The following RGS14 variants were observed in gnomAD, a reference collection of about 807,000 sequenced individuals.
RGS14 encodes the protein regulator of G protein signaling 14.
A neutral mutation model predicts 63.8 loss-of-function variants in RGS14; 33 were observed. The ratio of observed to expected loss-of-function variants is 0.52; its 90% CI spans 0.39 to 0.69. The LOEUF (loss-of-function observed/expected upper bound fraction) is 0.69. Ranked by LOEUF, RGS14 falls within the 30% of genes least tolerant of loss-of-function variation. RGS14 has a pLI of 0.00. For synonymous variants in RGS14, 296 were observed against 320.9 expected, an observed-to-expected ratio of 0.92 and a Z score of 0.83; for missense variants, 739 against 742.9, an observed-to-expected ratio of 0.99 and a Z score of 0.06.
intron 5 of RGS14, 154 bp downstream of exon 5, chr5:177,367,188 A>G (rs776349864): frequency 8.4e-7 from 1 of 1,193,438 alleles, no homozygotes; most frequent in Non-Finnish European, 1.2e-6. Flanking sequence ...CGGAGCTCAG[A>G]GGGCGGTATC....
intron 2 of RGS14, 81 bp from the exon 3 acceptor site, chr5:177,366,096 T>C: frequency 6.3e-7 from 1 of 1,578,308 alleles, no homozygotes. Flanking sequence ...GGCTGCAGAG[T>C]GGATGCATGG....
intron 9 of RGS14, among the ~76,000 whole-genome samples, chr5:177,370,148 A>G (rs1302718500): frequency 2.6e-5 from 4 of 152,248 alleles, no homozygotes. Flanking sequence ...AAATGGGACC[A>G]GGCCAGGGTG....
At chr5:177,365,180 G>A (rs938717379) in intron 1 of RGS14, among the ~76,000 whole-genome samples, 1 of 152,058 alleles carries the variant, frequency 6.6e-6, no homozygotes, top group African/African-American at 2.4e-5. Flanking sequence ...TAGATGCTGT[G>A]GATATATTTT....
At chr5:177,367,949 C>T in intron 7 of RGS14, 124 bp downstream of exon 7, 1 of 1,437,412 alleles carries the variant, frequency 7.0e-7, no homozygotes, top group Non-Finnish European at 9.1e-7. Flanking sequence ...ACCCAGGTCC[C>T]AGTGACCACC....
chr5:177,370,107 C>T (rs1193633105), intron 9 of RGS14, among the ~76,000 whole-genome samples: 1 of 152,134 alleles, frequency 6.6e-6, no homozygotes, highest in Non-Finnish European at 1.5e-5. Context: ...TCCTTAGTAG[C>T]GGGGAATGGA....
Position 177,372,152 on chromosome 5 carries a change from G to C in RGS14, c.*77G>C, listed in dbSNP as rs1252933289. 7.2e-7 allele frequency: 1 copy of C among 1,397,110 alleles called. No homozygotes were observed. The highest frequency in any genetic ancestry group is 2.3e-5 in the East Asian group (1 of 43,470). The allele number at this position is 1,397,110 out of a possible 1,614,324, so 86.5% of individuals were successfully genotyped here. On this transcript the variant is annotated 3_prime_UTR_variant, in exon 15 of 15. Transcript: ENST00000408923. ...GCCATGGGTCCGCTCTGCATGCCCT[G>C]TCTGTGCCATGAGTGTCCCTGGCCC...
At chr5:177,362,515 G>C (rs1761989727) in intron 1 of RGS14, among the ~76,000 whole-genome samples, 1 of 152,234 alleles carries the variant, frequency 6.6e-6, no homozygotes, top group Non-Finnish European at 1.5e-5. Context: ...GGGCATTCAA[G>C]GGGCCTGGTG....
chr5:177,368,905 G>T lies in RGS14; in HGVS notation c.1038G>T (p.Leu346=), dbSNP rs138362437. The change falls in exon 9 of 15, where the codon CTG becomes CTT. Residue 346 remains leucine (L), a synonymous_variant. Transcript: ENST00000408923. ...CTCTACCTGACATCAAGGTCTACCT[G>T]GTGGGCAATGAACAGGTGGGAACGT... ...GLSLPDIKVY[L]VGNEQALVLD... is the part of the protein sequence containing the mutation. The T allele has an allele frequency of 1.2e-6, 2 of 1,613,984 alleles. No individual in the cohort carries two copies. The highest frequency in any genetic ancestry group is 1.7e-6 in the Non-Finnish European group (2 of 1,180,016).
chr5:177,365,415 C>G (rs1369866624), intron 1 of RGS14, among the ~76,000 whole-genome samples: 2 of 151,492 alleles, frequency 1.3e-5, no homozygotes, highest in Non-Finnish European at 1.5e-5. Flanking sequence ...GTTGGCCAGG[C>G]TGGTCTCGAA....
Position 177,371,179 on chromosome 5 carries a change from GC to G in RGS14, c.1271del (p.Pro424LeufsTer7). 2 of 1,613,142 alleles carry G rather than the reference GC, an allele frequency of 1.2e-6. No homozygotes were observed. The highest frequency in any genetic ancestry group is 1.7e-6 in the Non-Finnish European group (2 of 1,179,756). On this transcript the variant is annotated frameshift_variant, in exon 12 of 15. Transcript: ENST00000408923. LOFTEE classifies it high-confidence loss of function. The surrounding 1 kb of genome is among the most constrained non-coding windows in gnomAD (Gnocchi z 6.1). Reference sequence around the variant, plus strand: ...TCTCCCCACAGCCAGGCGAGAAACAGCCTCTGGATCTGGGGAAGCTAGTGAG... The same window carrying G: ...TCTCCCCACAGCCAGGCGAGAAACAGCTCTGGATCTGGGGAAGCTAGTGAG... ...VVLHRPGEKQ[P>X]LDLGKLVSSV...
chr5:177,372,210 C>G lies in RGS14; in HGVS notation c.*135C>G. On this transcript the variant is annotated 3_prime_UTR_variant, in exon 15 of 15. Coordinates refer to ENST00000408923, the MANE Select transcript of RGS14 (RefSeq NM_006480.5). ...CCATGGGCAGGCCCGCAGGAAGAGC[C>G]GGTAGGGGTGGAAAGGGGACTCAGA... The G allele has an allele frequency of 1.1e-6, 1 of 876,074 alleles. No homozygotes were observed. Among genetic ancestry groups the G allele is most frequent in the South Asian group, 1.6e-5 (1 of 61,220 alleles). The allele number at this position is 876,074 out of a possible 1,614,324, so 54.3% of individuals were successfully genotyped here. A position where few individuals can be genotyped will look rare whatever the true frequency, so the allele number is the denominator to read the frequency against.
At chr5:177,368,052 C>T in intron 7 of RGS14, 105 bp from the exon 8 acceptor site, 2 of 1,512,718 alleles carry the variant, frequency 1.3e-6, no homozygotes, top group South Asian at 2.6e-5. Flanking sequence ...ACACCTGGGC[C>T]CCTGCAGGAT....
rs775508379 is a variant in RGS14 at position 177,368,733 on chromosome 5, T to C, written c.866T>C (p.Leu289Pro). Residue 289 changes from leucine to proline, a missense_variant, in exon 9 of 15, where the codon CTT (leucine) becomes CCT (proline). Coordinates refer to ENST00000408923, the MANE Select transcript of RGS14 (RefSeq NM_006480.5). ...SSKSESHRKS[L>P]GSTEGESESR... Reference sequence around the variant, plus strand: ...ATGAATCAGAGCCACCGGAAGAGCCTTGGGAGCACGGAGGGTGAAAGTGAA... The same window carrying C: ...ATGAATCAGAGCCACCGGAAGAGCCCTGGGAGCACGGAGGGTGAAAGTGAA... 9.3e-6 allele frequency: 15 copies of C among 1,614,148 alleles called. No homozygotes were observed. The highest frequency in any genetic ancestry group is 1.2e-5 in the Non-Finnish European group (14 of 1,180,000).
chr5:177,360,600 A>AAGGG (rs900323603), intron 1 of RGS14, among the ~76,000 whole-genome samples: 4 of 140,650 alleles, frequency 2.8e-5, no homozygotes, highest in African/African-American at 7.9e-5. Context: ...AGATGGAAGG[A>AAGGG]AGGGAGGGAG....
In RGS14 at chr5:177,370,788, C is replaced by G; in HGVS notation, c.1128-117C>G. 2.0e-6 allele frequency: 3 copies of G among 1,504,090 alleles called. No individual in the cohort carries two copies. The South Asian group carries it at 3.6e-5, about 18-fold the overall frequency. The allele number at this position is 1,504,090 out of a possible 1,614,324, so 93.2% of individuals were successfully genotyped here. ...CCCCGCCCCTGGGACAAACCCCGCC[C>G]CCTACAAGCCAGTCCCACCTTCTGC... On this transcript the variant is annotated intron_variant, in intron 10 of 14. Coordinates refer to ENST00000408923, the MANE Select transcript of RGS14 (RefSeq NM_006480.5).
At chr5:177,368,430 C>G (rs567711866) in intron 8 of RGS14, among the ~76,000 whole-genome samples, 164 bp downstream of exon 8, 5 of 152,244 alleles carry the variant, frequency 3.3e-5, no homozygotes, top group Non-Finnish European at 7.3e-5. Context: ...CTACATTGGT[C>G]CCCATATATG....
At position 177,367,430 on chromosome 5, in the gene RGS14, A is replaced by G; in HGVS notation, c.500A>G (p.Lys167Arg). The change falls in exon 6 of 15, where the codon AAG becomes AGG. Residue 167 changes from lysine to arginine, a missense_variant. Physicochemically the swap from Lys to Arg is conservative, Grantham distance 26. Coordinates refer to ENST00000408923, the MANE Select transcript of RGS14 (RefSeq NM_006480.5). ...AQQLQIFNLM[K>R]FDSYARFVKS... ...GCCCCGCAGATCTTCAACTTGATGA[A>G]GTTCGACAGCTATGCGCGCTTCGTC... is the stretch of plus-strand genomic sequence containing the variant. The G allele has an allele frequency of 6.2e-7, 1 of 1,607,924 alleles. No individual in the cohort carries two copies. The highest frequency in any genetic ancestry group is 1.1e-5 in the South Asian group (1 of 90,208).
chr5:177,360,764 T>C (rs1221614161), intron 1 of RGS14, among the ~76,000 whole-genome samples: 2 of 151,878 alleles, frequency 1.3e-5, no homozygotes, highest in East Asian at 3.9e-4. Context: ...ATACAAAAAA[T>C]TAGCTGGGCG....
rs1485981726 is a variant in RGS14, at chr5:177,371,201, G to T, written c.1291G>T (p.Val431Leu). The change falls in exon 12 of 15, where the codon GTG becomes TTG. Residue 431 changes from valine to leucine, a missense_variant. Coordinates refer to ENST00000408923, the MANE Select transcript of RGS14 (RefSeq NM_006480.5). This position sits in a 1 kb window ranked among gnomAD's most constrained non-coding sequence, Gnocchi z 6.1. ...EKQPLDLGKL[V>L]SSVAAQRLVL... The stretch of plus-strand genomic sequence containing the variant: ...ACAGCCTCTGGATCTGGGGAAGCTA[G>T]TGAGCTCGGTGGCGGCCCAGAGACT... 1 of 1,613,850 alleles carries T rather than the reference G, an allele frequency of 6.2e-7. No individual in the cohort carries two copies. The highest frequency in any genetic ancestry group is 1.1e-5 in the South Asian group (1 of 91,082).
Sources: allele counts gnomAD v4.1 joint callset (sites outside exome capture counted in the v4.1 genomes callset), GRCh38; gene constraint gnomAD v4.1.1; non-coding constraint Gnocchi (gnomAD v3.1); transcripts MANE v1.5; gene names NCBI Gene and HGNC (gene_info 2026-07-23, HGNC 2026-07-21).